The following DEPDC7 variants were observed in gnomAD, a reference collection of about 807,000 sequenced individuals.
The protein encoded by DEPDC7 is DEP domain containing 7.
In DEPDC7, 41 loss-of-function variants were observed where a neutral mutation model predicts 56.6. That is an observed-to-expected ratio of 0.72 (90% confidence interval 0.56 to 0.94). The LOEUF is 0.94. DEPDC7 is among the 40% of genes least tolerant of loss of function. The pLI, the probability that DEPDC7 is intolerant of heterozygous loss-of-function variation, is 0.00. For synonymous variants in DEPDC7, 185 were observed against 208.8 expected (o/e 0.89, Z 0.98); for missense variants, 522 against 596.3 (o/e 0.88, Z 1.30).
At chr11:33,023,231 A>C (rs1853540979) in intron 1 of DEPDC7, among the ~76,000 whole-genome samples, 1 of 147,016 alleles carries the variant, frequency 6.8e-6, no homozygotes, top group South Asian at 2.1e-4. Flanking sequence ...CTCTGTCTCA[A>C]AAAAAAAAAA....
chr11:33,027,892 T>G (rs1853594920), intron 3 of DEPDC7, 79 bp downstream of exon 3: 1 of 1,367,480 alleles, frequency 7.3e-7, no homozygotes, highest in Admixed American at 3.5e-5. Context: ...TTAATCTTTA[T>G]TAGATTTTAA....
intron 3 of DEPDC7, 176 bp downstream of exon 3, chr11:33,027,989 G>C: frequency 1.7e-6 from 1 of 582,118 alleles, no homozygotes. Flanking sequence ...TTAACAAATA[G>C]ATCAGTGTTA....
intron 1 of DEPDC7, 153 bp downstream of exon 1, chr11:33,016,181 C>T: frequency 1.6e-6 from 2 of 1,263,024 alleles, no homozygotes; most frequent in South Asian, 3.2e-5. Context: ...ACCACTTGGC[C>T]AACGCCCCCG....
chr11:33,028,799 G>A lies in DEPDC7; in HGVS notation c.782+7G>A, dbSNP rs1281588663. ...AGGCTTATAGTGACTCTCAGTATGT[G>A]GAAATACATATAATAATTTGAGTGT... On this transcript the variant is annotated splice_region_variant and intron_variant, in intron 4 of 8. Transcript: ENST00000241051. 6.3e-7 allele frequency: 1 copy of A among 1,582,344 alleles called. No individual in the cohort carries two copies. Among genetic ancestry groups the A allele is most frequent in the African/African-American group, 1.4e-5 (1 of 73,518 alleles).
At chr11:33,027,553 C>G in intron 2 of DEPDC7, 133 bp from the exon 3 acceptor site, 3 of 662,980 alleles carry the variant, frequency 4.5e-6, no homozygotes, top group Non-Finnish European at 6.7e-6. Context: ...ATAATTTATT[C>G]TACTCTTAGA....
chr11:33,029,641 C>A (rs1853613278), intron 4 of DEPDC7, among the ~76,000 whole-genome samples: 1 of 151,902 alleles, frequency 6.6e-6, no homozygotes, highest in Non-Finnish European at 1.5e-5. Flanking sequence ...TTACTCATAA[C>A]TTTGAGGCTC....
Position 33,015,979 on chromosome 11 carries a change from T to A in DEPDC7, c.24T>A (p.Ala8=), listed in dbSNP as rs2133654124. The A allele has an allele frequency of 6.3e-7, 1 of 1,578,560 alleles. No homozygotes were observed. Among genetic ancestry groups the A allele is most frequent in the East Asian group, 2.4e-5 (1 of 42,502 alleles). MATVQEK[A]AALNLSALHS... ...CCATGGCCACCGTGCAGGAGAAGGCTGCTGCGCTGAACCTCTCGGCTCTCC... is the reference window on the plus strand; with the variant it reads ...CCATGGCCACCGTGCAGGAGAAGGCAGCTGCGCTGAACCTCTCGGCTCTCC... Residue 8 remains alanine (A), a synonymous_variant, in exon 1 of 9, where the codon GCT becomes GCA. Coordinates refer to ENST00000241051, the MANE Select transcript of DEPDC7 (RefSeq NM_001077242.2).
chr11:33,032,556 CA>C, intron 6 of DEPDC7, 78 bp downstream of exon 6: 1 of 1,411,430 alleles, frequency 7.1e-7, no homozygotes, highest in Non-Finnish European at 9.5e-7. Context: ...ATTCCATCTT[CA>C]GCATCAAGTA....
rs1374673868 is a variant in DEPDC7 at position 33,032,429 on chromosome 11, A to T, written c.1088A>T (p.Tyr363Phe). The T allele has an allele frequency of 6.3e-7, 1 of 1,575,452 alleles. No individual in the cohort carries two copies. The highest frequency in any genetic ancestry group is 8.5e-7 in the Non-Finnish European group (1 of 1,170,196). ...QNREEFRRLLYFMAVAANPSE... is the reference protein window; with the variant it reads ...QNREEFRRLLFFMAVAANPSE... ...AGAGAAGAATTTAGAAGACTACTGT[A>T]TTTCATGGCTGTTGCAGCAAATCCT... The change falls in exon 6 of 9, where the codon TAT becomes TTT. Residue 363 changes from tyrosine (Y) to phenylalanine (F), a missense_variant. Physicochemically the swap from Tyr to Phe is conservative, Grantham distance 22 (BLOSUM62 3). Coordinates refer to ENST00000241051, the MANE Select transcript of DEPDC7 (RefSeq NM_001077242.2).
chr11:33,019,171 A>G (rs1453867968), intron 1 of DEPDC7, among the ~76,000 whole-genome samples: 1 of 152,100 alleles, frequency 6.6e-6, no homozygotes, highest in Non-Finnish European at 1.5e-5. Context: ...AGTCAACCCA[A>G]GGTTTCTTAA....
chr11:33,032,447 C>A lies in DEPDC7; in HGVS notation c.1106C>A (p.Ala369Glu). 6.4e-7 allele frequency: 1 copy of A among 1,564,884 alleles called. No homozygotes were observed. Among genetic ancestry groups the A allele is most frequent in the Admixed American group, 2.3e-5 (1 of 43,706 alleles). Residue 369 changes from alanine to glutamate, a missense_variant, in exon 6 of 9, where the codon GCA becomes GAA. By Grantham distance (107) the Ala-to-Glu change is moderately radical (BLOSUM62 -1). Transcript: ENST00000241051. ...CTACTGTATTTCATGGCTGTTGCAG[C>A]AAATCCTTCTGAGTTTAAATTACAG... ...RRLLYFMAVA[A>E]NPSEFKLQKE...
intron 1 of DEPDC7, chr11:33,016,384 GTA>G (rs1179549011): frequency 6.8e-7 from 1 of 1,468,114 alleles, no homozygotes; most frequent in East Asian, 2.4e-5. Context: ...GACAAGTGTG[GTA>G]TCTGGAATTT....
At chr11:33,030,165 G>A (rs926921177) in intron 4 of DEPDC7, among the ~76,000 whole-genome samples, 4 of 152,146 alleles carry the variant, frequency 2.6e-5, no homozygotes, top group Non-Finnish European at 5.9e-5. Flanking sequence ...TCACCATATT[G>A]GCCAGGGTGG....
At chr11:33,030,873 C>T (rs543556258) in intron 4 of DEPDC7, among the ~76,000 whole-genome samples, 60 of 152,256 alleles carry the variant, frequency 3.9e-4, no homozygotes, top group African/African-American at 6.3e-4. Context: ...TGTGAGCCAC[C>T]GCACCAGGCC....
rs1192358294 is a variant in DEPDC7 at position 33,015,938 on chromosome 11, G to T, written c.-18G>T. ...CTGTGAAGCTGCTGGAGGAGTTGGCGTCCGGGGAGCAAGGGCCATGGCCAC... is the reference window on the plus strand; with the variant it reads ...CTGTGAAGCTGCTGGAGGAGTTGGCTTCCGGGGAGCAAGGGCCATGGCCAC... On this transcript the variant is annotated 5_prime_UTR_variant, in exon 1 of 9. Transcript: ENST00000241051. 1 of 1,565,972 alleles carries T rather than the reference G, an allele frequency of 6.4e-7. No individual in the cohort carries two copies. Among genetic ancestry groups the T allele is most frequent in the South Asian group, 1.2e-5 (1 of 84,486 alleles).
At chr11:33,025,589 A>T in intron 1 of DEPDC7, 70 bp from the exon 2 acceptor site, 1 of 1,453,286 alleles carries the variant, frequency 6.9e-7, no homozygotes, top group Non-Finnish European at 9.3e-7. Context: ...TTGCCTAAGG[A>T]TTGCTTAGAC....
At position 33,026,032 on chromosome 11, in the gene DEPDC7, A is replaced by G. The variant is rs576295157; in HGVS notation, c.447A>G (p.Lys149=). The G allele has an allele frequency of 6.2e-7, 1 of 1,613,976 alleles. No homozygotes were observed. The highest frequency in any genetic ancestry group is 1.1e-5 in the South Asian group (1 of 91,078). ...NQDSQLGKEN[K]LYSPARYADA... The stretch of plus-strand genomic sequence containing the variant: ...ACAGTCAGTTAGGCAAAGAGAACAA[A>G]CTATATTCACCTGCCAGGTTGGTAT... The change falls in exon 2 of 9, where the codon AAA becomes AAG. Residue 149 remains lysine, a synonymous_variant. Transcript: ENST00000241051.
chr11:33,024,223 T>C (rs1186368047), intron 1 of DEPDC7, among the ~76,000 whole-genome samples: 1 of 152,244 alleles, frequency 6.6e-6, no homozygotes, highest in African/African-American at 2.4e-5. Flanking sequence ...TAGGATATTT[T>C]TGAAAGTTTG....
chr11:33,028,723 G>A lies in DEPDC7; in HGVS notation c.713G>A (p.Arg238Lys), dbSNP rs148509454. ...EAVPKIPQPKRQSTMVNSSNY... is the reference protein window; with the variant it reads ...EAVPKIPQPKKQSTMVNSSNY... ...GTACCTAAAATTCCTCAACCTAAGA[G>A]GCAGTCCACCATGGTCAACAGCAGT... Residue 238 changes from arginine (R) to lysine (K), a missense_variant, in exon 4 of 9, where the codon AGG (arginine) becomes AAG (lysine). Transcript: ENST00000241051. 6.8e-6 allele frequency: 11 copies of A among 1,613,984 alleles called. No individual in the cohort carries two copies. Among genetic ancestry groups the A allele is most frequent in the Non-Finnish European group, 7.6e-6 (9 of 1,180,000 alleles).
Sources: gnomAD v4.1 joint callset for allele counts (sites outside exome capture counted in the v4.1 genomes callset) on GRCh38, gnomAD v4.1.1 for gene constraint, MANE v1.5 for transcripts, NCBI Gene and HGNC (gene_info 2026-07-23, HGNC 2026-07-21) for gene names.